EIF3CL: variants seen among roughly 807,000 people sequenced by gnomAD.
EIF3CL encodes eukaryotic translation initiation factor 3 subunit C-like protein.
For synonymous variants in EIF3CL, 2 were observed against 19.6 expected (o/e 0.10, Z 2.37); for missense variants, 5 against 56.1 (o/e 0.09, Z 2.91).
the EIF3CL span, among the ~76,000 whole-genome samples, chr16:28,417,184 G>C: frequency 6.8e-6 from 1 of 146,496 alleles, no homozygotes; most frequent in East Asian, 2.0e-4. Context: ...CCGTCCGGGA[G>C]GGAGGTGGGG....
the EIF3CL span, among the ~76,000 whole-genome samples, chr16:28,417,012 TGGG>T: frequency 2.6e-5 from 1 of 38,746 alleles, no homozygotes; most frequent in Admixed American, 3.1e-4. Context: ...GGGAGGGAGG[TGGG>T]GGGGGTCAGC....
At chr16:28,417,820 A>T in the EIF3CL span, among the ~76,000 whole-genome samples, 1 of 146,606 alleles carries the variant, frequency 6.8e-6, no homozygotes, top group Non-Finnish European at 1.5e-5. Flanking sequence ...CAATAAAAAA[A>T]TAAATTTAAA....
At chr16:28,426,059 G>T in the EIF3CL span, among the ~76,000 whole-genome samples, 1 of 113,956 alleles carries the variant, frequency 8.8e-6, no homozygotes, top group Non-Finnish European at 1.9e-5. Flanking sequence ...TCCAGCCTGG[G>T]TGACAGAGGG....
intron 15 of EIF3CL, among the ~76,000 whole-genome samples, chr16:28,386,755 AACACACAC>A (rs532715052): frequency 1.2e-5 from 1 of 80,874 alleles, no homozygotes; most frequent in Non-Finnish European, 2.5e-5. Flanking sequence ...TCTGTCTCAA[AACACACAC>A]ACACACACAC....
At chr16:28,415,321 G>A in the EIF3CL span, among the ~76,000 whole-genome samples, 17,796 of 76,276 alleles carry the variant, frequency 0.23, 2,766 homozygotes, top group Non-Finnish European at 0.3. Context: ...AGGCTGGTCC[G>A]CCAGGTAGAG....
chr16:28,417,670 C>G, the EIF3CL span, among the ~76,000 whole-genome samples: 28 of 99,390 alleles, frequency 2.8e-4, no homozygotes, highest in African/African-American at 8.5e-4. Context: ...ATCAGGGACA[C>G]AAACACTGCG....
At chr16:28,417,030 C>T in the EIF3CL span, among the ~76,000 whole-genome samples, 1 of 54,380 alleles carries the variant, frequency 1.8e-5, no homozygotes, top group East Asian at 6.6e-4. Flanking sequence ...GTCAGCCCCC[C>T]CCGCCCGGCC....
At chr16:28,405,902 T>TAC (rs534198201), upstream of EIF3CL, among the ~76,000 whole-genome samples, 83 of 61,360 alleles carry the variant, frequency 1.4e-3, no homozygotes, top group Non-Finnish European at 2.6e-3. Context: ...CACACACACA[T>TAC]ACACACACAC....
the EIF3CL span, chr16:28,414,311 G>A: frequency 1.6e-4 from 46 of 291,716 alleles, 2 homozygotes; most frequent in African/African-American, 1.1e-3. Context: ...CAGGAGAATC[G>A]CTTGAACCCG....
chr16:28,421,490 C>T, the EIF3CL span, among the ~76,000 whole-genome samples: 6 of 9,002 alleles, frequency 6.7e-4, no homozygotes, highest in East Asian at 4.0e-3. Context: ...TATGATGTCA[C>T]GAGCACATTC....
At chr16:28,419,299 C>T in the EIF3CL span, among the ~76,000 whole-genome samples, 5 of 150,668 alleles carry the variant, frequency 3.3e-5, no homozygotes, top group Non-Finnish European at 7.4e-5. Flanking sequence ...AGCCAGTGCG[C>T]CCAGCCCTCT....
At chr16:28,415,697 C>T in the EIF3CL span, among the ~76,000 whole-genome samples, 3 of 133,718 alleles carry the variant, frequency 2.2e-5, no homozygotes, top group South Asian at 6.7e-4. Context: ...TTGCAGTGAG[C>T]TGAGATAGTG....
chr16:28,417,352 A>G, the EIF3CL span, among the ~76,000 whole-genome samples: 1 of 142,626 alleles, frequency 7.0e-6, no homozygotes, highest in South Asian at 2.1e-4. Context: ...CAGGATGACA[A>G]TGGCGGCTTT....
chr16:28,403,118 G>A (rs1288830826), intron 2 of EIF3CL, among the ~76,000 whole-genome samples: 2 of 143,112 alleles, frequency 1.4e-5, no homozygotes, highest in African/African-American at 5.0e-5. Flanking sequence ...CACAGCAGGT[G>A]ACCAGACTTC....
intron 8 of EIF3CL, among the ~76,000 whole-genome samples, chr16:28,396,934 C>CAT (rs1240383128): frequency 7.7e-5 from 1 of 12,986 alleles, no homozygotes; most frequent in South Asian, 2.3e-3. Context: ...GGCAAGACCC[C>CAT]ATCTTGATAA....
At chr16:28,425,519 C>T in the EIF3CL span, among the ~76,000 whole-genome samples, 1 of 105,204 alleles carries the variant, frequency 9.5e-6, no homozygotes, top group East Asian at 2.8e-4. Context: ...CTGATTAACT[C>T]GATGCCACAG....
Position 28,391,992 on chromosome 16 carries a change from CACT to C in EIF3CL, c.924_926del (p.Val309del). ...CTGAAACCCTCACCTTAACCAACGGCACTCCGCCCCGGACCCTTTCCCACTCCC... is the reference window on the plus strand; with the variant it reads ...CTGAAACCCTCACCTTAACCAACGGCCCGCCCCGGACCCTTTCCCACTCCC... On this transcript the variant is annotated inframe_deletion, in exon 9 of 21. Coordinates refer to ENST00000380876, the MANE Select transcript of EIF3CL (RefSeq NM_001317857.2). 1.2e-5 allele frequency: 7 copies of C among 573,372 alleles called. No homozygotes were observed. Among genetic ancestry groups the C allele is most frequent in the Non-Finnish European group, 1.6e-5 (6 of 375,104 alleles). 35.5% of individuals were successfully genotyped at this position (573,372 alleles called of 1,614,324 possible).
upstream of EIF3CL, among the ~76,000 whole-genome samples, chr16:28,405,786 A>G (rs2045682781): frequency 6.6e-6 from 1 of 151,636 alleles, no homozygotes; most frequent in Non-Finnish European, 1.5e-5. Flanking sequence ...CATGTTCATC[A>G]GCTTTTCTCT....
At chr16:28,417,820 AT>A in the EIF3CL span, among the ~76,000 whole-genome samples, 8 of 146,602 alleles carry the variant, frequency 5.5e-5, no homozygotes, top group African/African-American at 9.8e-5. Flanking sequence ...CAATAAAAAA[AT>A]AAATTTAAAA....
Sources: allele counts gnomAD v4.1 joint callset (sites outside exome capture counted in the v4.1 genomes callset), GRCh38; gene constraint gnomAD v4.1.1; transcripts MANE v1.5; gene names NCBI Gene and HGNC (gene_info 2026-07-23, HGNC 2026-07-21).